The following UBE2F variants were observed in gnomAD, a reference collection of about 807,000 sequenced individuals.
UBE2F encodes the protein ubiquitin conjugating enzyme E2 F (putative).
A neutral mutation model predicts 29.6 loss-of-function variants in UBE2F; 5 were observed. The observed-to-expected ratio is 0.17, with a 90% confidence interval of 0.09 to 0.36. UBE2F has a LOEUF of 0.36. Among genes scored for constraint, UBE2F ranks in the 10% least tolerant of loss-of-function variants. The pLI is 1.00. For synonymous variants in UBE2F, 66 were observed against 81.8 expected (o/e 0.81, Z 1.04); for missense variants, 141 against 228.5 (o/e 0.62, Z 2.47).
At chr2:238,011,539 G>A (rs1326346781) in intron 4 of UBE2F, among the ~76,000 whole-genome samples, 1 of 152,236 alleles carries the variant, frequency 6.6e-6, no homozygotes, top group Non-Finnish European at 1.5e-5. Context: ...ACTGTGTGTG[G>A]CACATGGTGG....
intron 5 of UBE2F, among the ~76,000 whole-genome samples, chr2:238,020,619 A>G (rs951758069): frequency 6.6e-6 from 1 of 152,246 alleles, no homozygotes; most frequent in African/African-American, 2.4e-5. Flanking sequence ...ATTTTAGAAT[A>G]AACTTTTAAA....
chr2:238,012,147 G>T (rs1021198669), intron 4 of UBE2F, among the ~76,000 whole-genome samples: 5 of 151,128 alleles, frequency 3.3e-5, no homozygotes, highest in Non-Finnish European at 5.9e-5. Context: ...GCCCCACAAA[G>T]TGCTGGGATT....
At chr2:237,991,888 CAG>C (rs1457580057) in intron 3 of UBE2F, among the ~76,000 whole-genome samples, 1 of 144,456 alleles carries the variant, frequency 6.9e-6, no homozygotes, top group Non-Finnish European at 1.5e-5. Flanking sequence ...TTTTTTGAGA[CAG>C]AGTCACGTTC....
chr2:237,975,914 A>G (rs1483460550), intron 2 of UBE2F, among the ~76,000 whole-genome samples: 1 of 150,954 alleles, frequency 6.6e-6, no homozygotes. Flanking sequence ...CTGGACTAAC[A>G]GGCATGAGCC....
At position 238,035,869 on chromosome 2, in the gene UBE2F, CT is replaced by C; in HGVS notation, c.445-4del. 6.2e-7 allele frequency: 1 copy of C among 1,609,718 alleles called. No homozygotes were observed. On this transcript the variant is annotated splice_region_variant and splice_polypyrimidine_tract_variant and intron_variant, in intron 8 of 9. Coordinates refer to ENST00000272930, the MANE Select transcript of UBE2F (RefSeq NM_080678.3). ...CCCAATGTTTACTTTAAGTTTCTCT[CT>C]TTTTAAGGATCTTTTGAATTTTGAT...
chr2:237,989,277 G>A (rs1229340149), intron 3 of UBE2F, among the ~76,000 whole-genome samples: 1 of 152,156 alleles, frequency 6.6e-6, no homozygotes, highest in Non-Finnish European at 1.5e-5. Flanking sequence ...TCTGAAGTAG[G>A]AAAGATAATG....
At chr2:238,004,191 C>A (rs1260334014) in intron 4 of UBE2F, among the ~76,000 whole-genome samples, 3 of 152,150 alleles carry the variant, frequency 2.0e-5, no homozygotes, top group African/African-American at 4.8e-5. Context: ...CAAAATTGTT[C>A]TTTCCAAGTA....
chr2:238,011,182 A>ATGCAGGGGCC (rs1164517444), intron 4 of UBE2F, among the ~76,000 whole-genome samples: 25 of 152,184 alleles, frequency 1.6e-4, no homozygotes, highest in African/African-American at 5.8e-4. Flanking sequence ...AGCCAGCTAC[A>ATGCAGGGGCC]TGCAGGGGCC....
intron 5 of UBE2F, among the ~76,000 whole-genome samples, chr2:238,023,932 C>T (rs2064354039): frequency 6.6e-6 from 1 of 152,064 alleles, no homozygotes; most frequent in Non-Finnish European, 1.5e-5. Context: ...CCAGGATGAA[C>T]CCTGCATTGA....
At chr2:238,026,442 C>CT (rs1237301525) in intron 6 of UBE2F, among the ~76,000 whole-genome samples, 54 of 151,358 alleles carry the variant, frequency 3.6e-4, no homozygotes, top group African/African-American at 1.2e-3. Flanking sequence ...ATCCCTTTCT[C>CT]TTTTTTTTTG....
At chr2:238,023,881 C>T (rs573843314) in intron 5 of UBE2F, among the ~76,000 whole-genome samples, 16 of 152,240 alleles carry the variant, frequency 1.1e-4, no homozygotes, top group Non-Finnish European at 2.2e-4. Flanking sequence ...TTATGACCAG[C>T]AGATCCTCTT....
chr2:237,972,034 C>CA (rs2063186198), intron 1 of UBE2F, among the ~76,000 whole-genome samples: 2 of 152,226 alleles, frequency 1.3e-5, no homozygotes, highest in Non-Finnish European at 1.5e-5. Flanking sequence ...TCTTTGTTGT[C>CA]CCTACTAGTG....
At chr2:237,975,469 C>T (rs1559199537) in intron 2 of UBE2F, among the ~76,000 whole-genome samples, 1 of 152,092 alleles carries the variant, frequency 6.6e-6, no homozygotes, top group Non-Finnish European at 1.5e-5. Context: ...TTAGTGTATT[C>T]GAACTCCCTG....
At chr2:238,015,907 TG>T (rs891629344) in intron 4 of UBE2F, among the ~76,000 whole-genome samples, 11 of 151,678 alleles carry the variant, frequency 7.3e-5, no homozygotes, top group African/African-American at 2.7e-4. Flanking sequence ...CTACAGGGTG[TG>T]GGGGGCGGGG....
At chr2:237,976,896 G>A (rs2063291833) in intron 2 of UBE2F, among the ~76,000 whole-genome samples, 1 of 152,156 alleles carries the variant, frequency 6.6e-6, no homozygotes, top group Non-Finnish European at 1.5e-5. Flanking sequence ...CCAGTTTGCG[G>A]GTTTATTGCA....
chr2:238,009,051 G>A (rs1340456597), intron 4 of UBE2F, among the ~76,000 whole-genome samples: 1 of 152,178 alleles, frequency 6.6e-6, no homozygotes, highest in Admixed American at 6.5e-5. Context: ...AGCATTTTAA[G>A]GATATCATTC....
chr2:237,984,163 A>AC (rs1215620848), intron 2 of UBE2F, among the ~76,000 whole-genome samples: 1 of 149,590 alleles, frequency 6.7e-6, no homozygotes, highest in East Asian at 2.0e-4. Flanking sequence ...GCCATCTTTG[A>AC]CCCCCTCCAC....
At chr2:238,006,998 C>T (rs944738040) in intron 4 of UBE2F, among the ~76,000 whole-genome samples, 21 of 151,196 alleles carry the variant, frequency 1.4e-4, no homozygotes, top group African/African-American at 4.9e-4. Context: ...TCAGGTGATC[C>T]GCCTGCCTCT....
intron 3 of UBE2F, chr2:237,990,441 T>C (rs757621706): frequency 2.2e-6 from 1 of 451,138 alleles, no homozygotes; most frequent in South Asian, 1.6e-5. Context: ...CTCTCTTTGT[T>C]GCCCAAGTTG....
Sources: allele counts gnomAD v4.1 joint callset (sites outside exome capture counted in the v4.1 genomes callset), GRCh38; gene constraint gnomAD v4.1.1; transcripts MANE v1.5; gene names NCBI Gene and HGNC (gene_info 2026-07-23, HGNC 2026-07-21).